CNTNAP2: variants seen among roughly 807,000 people sequenced by gnomAD.
CNTNAP2 encodes the protein contactin-associated protein-like 2.
Under a neutral mutation model 155.2 loss-of-function variants are expected in CNTNAP2, and 98 were observed. The ratio of observed to expected loss-of-function variants is 0.63; its 90% CI spans 0.54 to 0.75. CNTNAP2 has a LOEUF of 0.75. CNTNAP2 is among the 30% of genes least tolerant of loss of function. The pLI, the probability that CNTNAP2 is intolerant of heterozygous loss-of-function variation, is 0.00. For missense variants in CNTNAP2, 1,727 were observed against 1,688.1 expected (o/e 1.02, Z -0.40); for synonymous variants, 651 against 631.2 (o/e 1.03, Z -0.47).
At chr7:147,374,680 T>C (rs1271692227) in intron 9 of CNTNAP2, among the ~76,000 whole-genome samples, 1 of 151,948 alleles carries the variant, frequency 6.6e-6, no homozygotes, top group Non-Finnish European at 1.5e-5. Flanking sequence ...ACAGTATGCT[T>C]CCTCCAGAGG....
intron 8 of CNTNAP2, among the ~76,000 whole-genome samples, chr7:147,176,995 ATATC>A (rs1409554518): frequency 1.4e-5 from 2 of 139,844 alleles, no homozygotes; most frequent in African/African-American, 5.2e-5. Context: ...ATATAATTCT[ATATC>A]TATAATTATA....
intron 21 of CNTNAP2, among the ~76,000 whole-genome samples, chr7:148,334,980 A>T (rs6971314): frequency 0.51 from 77,975 of 152,096 alleles, 20,224 homozygotes; most frequent in East Asian, 0.66. Flanking sequence ...CCACTCAAAG[A>T]CGGGGAAGAT....
chr7:148,323,354 T>TTA (rs1797834689), intron 21 of CNTNAP2, among the ~76,000 whole-genome samples: 1 of 149,464 alleles, frequency 6.7e-6, no homozygotes, highest in Non-Finnish European at 1.5e-5. Flanking sequence ...TCTTTTTTTT[T>TTA]TATACTTAAA....
At chr7:146,966,459 T>C (rs997707021) in intron 3 of CNTNAP2, among the ~76,000 whole-genome samples, 34 of 152,212 alleles carry the variant, frequency 2.2e-4, no homozygotes, top group African/African-American at 8.0e-4. Flanking sequence ...GCCTTTGACG[T>C]AGGCCTTAGT....
chr7:147,008,174 G>A (rs1170789915), intron 3 of CNTNAP2, among the ~76,000 whole-genome samples: 3 of 151,950 alleles, frequency 2.0e-5, no homozygotes, highest in Admixed American at 6.6e-5. Context: ...ATCATTTGTA[G>A]TAACAATAAG....
chr7:147,669,133 C>A (rs1470798870), intron 13 of CNTNAP2, among the ~76,000 whole-genome samples: 4 of 152,118 alleles, frequency 2.6e-5, no homozygotes, highest in Non-Finnish European at 4.4e-5. Context: ...GCAGGATATA[C>A]CATCTGGGTT....
intron 1 of CNTNAP2, among the ~76,000 whole-genome samples, chr7:146,169,105 T>G (rs781003967): frequency 6.6e-6 from 1 of 152,212 alleles, no homozygotes; most frequent in Non-Finnish European, 1.5e-5. Context: ...TCAGTTCAAT[T>G]ATCACTTTCT....
intron 1 of CNTNAP2, among the ~76,000 whole-genome samples, chr7:146,573,690 A>G (rs1798477653): frequency 6.6e-6 from 1 of 152,208 alleles, no homozygotes; most frequent in African/African-American, 2.4e-5. Flanking sequence ...AGTTATTTTT[A>G]CTTATCAAGC....
At chr7:148,321,650 C>T (rs1797791342) in intron 21 of CNTNAP2, among the ~76,000 whole-genome samples, 1 of 150,942 alleles carries the variant, frequency 6.6e-6, no homozygotes, top group African/African-American at 2.5e-5. Context: ...AGAGCAGTCT[C>T]TTGACATCCC....
rs1365917035 is a variant in CNTNAP2, at chr7:146,657,762, CT to C, written c.98-116507del. On this transcript the variant is annotated intron_variant, in intron 1 of 23. Coordinates refer to ENST00000361727, the MANE Select transcript of CNTNAP2 (RefSeq NM_014141.6). ...ACCATATATCCATTGTAGCAATGATCTTCATTGTCAAAAAGAGTCTAATTTT... is the reference window on the plus strand; with the variant it reads ...ACCATATATCCATTGTAGCAATGATCTCATTGTCAAAAAGAGTCTAATTTT... Among the ~76,000 whole-genome samples, 3 of 152,038 alleles carry C rather than the reference CT, an allele frequency of 2.0e-5. No individual in the cohort carries two copies. In the East Asian group the frequency reaches 5.8e-4, roughly 29 times the overall value.
chr7:146,656,455 C>G (rs1423288043), intron 1 of CNTNAP2, among the ~76,000 whole-genome samples: 1 of 152,122 alleles, frequency 6.6e-6, no homozygotes, highest in East Asian at 1.9e-4. Flanking sequence ...GTCACTGATC[C>G]ATGTCAAATT....
chr7:146,983,986 G>C (rs988443547), intron 3 of CNTNAP2, among the ~76,000 whole-genome samples: 2 of 152,126 alleles, frequency 1.3e-5, no homozygotes, highest in East Asian at 1.9e-4. Context: ...TGAGCAATTA[G>C]AAACATGTGC....
At chr7:146,695,328 A>G (rs1800764189) in intron 1 of CNTNAP2, among the ~76,000 whole-genome samples, 1 of 152,172 alleles carries the variant, frequency 6.6e-6, no homozygotes, top group Non-Finnish European at 1.5e-5. Context: ...ATGCCTTTTC[A>G]GCATTATAGA....
At chr7:148,217,152 T>A (rs1759834169) in intron 18 of CNTNAP2, 136 bp from the exon 19 acceptor site, 1 of 775,440 alleles carries the variant, frequency 1.3e-6, no homozygotes, top group African/African-American at 1.7e-5. Context: ...TGCAATAGCA[T>A]CTTTCTCCAT....
intron 3 of CNTNAP2, among the ~76,000 whole-genome samples, chr7:147,022,522 C>T (rs1563047229): frequency 6.6e-6 from 1 of 151,594 alleles, no homozygotes; most frequent in Non-Finnish European, 1.5e-5. Context: ...TCTATATACA[C>T]ATATATTGTA....
At chr7:147,391,779 A>G (rs1796722205) in intron 9 of CNTNAP2, among the ~76,000 whole-genome samples, 1 of 151,742 alleles carries the variant, frequency 6.6e-6, no homozygotes. Flanking sequence ...TGTAGATTTT[A>G]TAGTCACGCT....
chr7:147,432,901 T>A (rs965346041), intron 10 of CNTNAP2, among the ~76,000 whole-genome samples: 17 of 152,236 alleles, frequency 1.1e-4, no homozygotes, highest in Admixed American at 2.0e-4. Flanking sequence ...CCTAAGTTTA[T>A]GATTAAATAT....
intron 13 of CNTNAP2, among the ~76,000 whole-genome samples, chr7:147,747,052 G>T (rs73472889): frequency 2.8e-3 from 420 of 152,248 alleles, no homozygotes; most frequent in African/African-American, 9.8e-3. Flanking sequence ...TTGGCTTTTG[G>T]TTGCAAATAT....
At chr7:146,350,329 C>G (rs1168762984) in intron 1 of CNTNAP2, among the ~76,000 whole-genome samples, 3 of 151,782 alleles carry the variant, frequency 2.0e-5, no homozygotes, top group Non-Finnish European at 4.4e-5. Context: ...AACAAATTTA[C>G]AAGAAAAAAA....
Sources: gnomAD v4.1 joint callset for allele counts (sites outside exome capture counted in the v4.1 genomes callset) on GRCh38, gnomAD v4.1.1 for gene constraint, MANE v1.5 for transcripts, NCBI Gene and HGNC (gene_info 2026-07-23, HGNC 2026-07-21) for gene names.